ZMYND8: variants seen among roughly 807,000 people sequenced by gnomAD.
The protein encoded by ZMYND8 is MYND-type zinc finger-containing chromatin reader ZMYND8.
In ZMYND8, 37 loss-of-function variants were observed where a neutral mutation model predicts 140.8. That is an observed-to-expected ratio of 0.26 (90% CI 0.20 to 0.35). ZMYND8 has a LOEUF of 0.35. ZMYND8 is among the 10% of genes least tolerant of loss of function. ZMYND8 has a pLI of 1.00. For missense variants in ZMYND8, 1,068 were observed against 1,570.0 expected, an observed-to-expected ratio of 0.68 and a Z score of 5.40; for synonymous variants, 592 against 597.1, an observed-to-expected ratio of 0.99 and a Z score of 0.12.
intron 2 of ZMYND8, among the ~76,000 whole-genome samples, chr20:47,332,783 C>A (rs985142164): frequency 2.6e-5 from 4 of 152,128 alleles, no homozygotes; most frequent in Non-Finnish European, 5.9e-5. Flanking sequence ...TACCCTATGA[C>A]CCCACAATTT....
chr20:47,319,103 C>T, intron 2 of ZMYND8: 3 of 1,236,562 alleles, frequency 2.4e-6, no homozygotes, highest in Non-Finnish European at 3.2e-6. Context: ...GGCTAAGAGT[C>T]ACCACTTACC....
intron 1 of ZMYND8, chr20:47,356,268 G>A: frequency 9.3e-7 from 1 of 1,077,140 alleles, no homozygotes. Context: ...AGACAATAGT[G>A]CAGGGGTGGG....
chr20:47,232,898 T>C (rs889246914), intron 16 of ZMYND8, among the ~76,000 whole-genome samples: 1 of 46,810 alleles, frequency 2.1e-5, no homozygotes, highest in Non-Finnish European at 3.3e-5. Flanking sequence ...TTTTTTTTTG[T>C]TTTTTTTGTT....
At chr20:47,221,995 T>A (rs1051639901) in intron 19 of ZMYND8, among the ~76,000 whole-genome samples, 7 of 152,326 alleles carry the variant, frequency 4.6e-5, no homozygotes, top group Non-Finnish European at 4.4e-5. Flanking sequence ...GGTTAGCAAT[T>A]CAAGTTTTAT....
chr20:47,353,156 C>T (rs1469529859), intron 1 of ZMYND8: 1 of 152,170 alleles, frequency 6.6e-6, no homozygotes, highest in Non-Finnish European at 1.5e-5. Context: ...CCTTTGCCTC[C>T]AGGGTTTTCT....
intron 8 of ZMYND8, among the ~76,000 whole-genome samples, chr20:47,286,829 A>G (rs549763949): frequency 1.3e-5 from 2 of 152,332 alleles, no homozygotes; most frequent in African/African-American, 4.8e-5. Context: ...CCACTCTCCC[A>G]GAAGCAGTCA....
intron 1 of ZMYND8, chr20:47,353,655 G>GT (rs1246872047): frequency 6.6e-6 from 1 of 152,266 alleles, no homozygotes; most frequent in Non-Finnish European, 1.5e-5. Context: ...AAGCTTCAGT[G>GT]TGTCTGTGTT....
chr20:47,328,953 G>A (rs1292313933), intron 2 of ZMYND8, among the ~76,000 whole-genome samples: 1 of 152,178 alleles, frequency 6.6e-6, no homozygotes, highest in African/African-American at 2.4e-5. Context: ...CCAGCTCCCT[G>A]GCATATCCTG....
At chr20:47,252,082 T>A (rs1425282837) in intron 12 of ZMYND8, among the ~76,000 whole-genome samples, 1 of 151,388 alleles carries the variant, frequency 6.6e-6, no homozygotes, top group Non-Finnish European at 1.5e-5. Context: ...TCACTTGAGG[T>A]CGGGGGTTCA....
At chr20:47,219,562 G>C (rs921394432) in intron 21 of ZMYND8, among the ~76,000 whole-genome samples, 1 of 151,538 alleles carries the variant, frequency 6.6e-6, no homozygotes, top group Non-Finnish European at 1.5e-5. Context: ...GAAAGGTCCT[G>C]GAGCTGTGGT....
chr20:47,227,417 G>C lies in ZMYND8; in HGVS notation c.2938-136C>G, dbSNP rs907386902. ...TCCCACAGCTATAGTCCAGAGAGGT[G>C]ATCACTGGTGGGTGAACCCAAATTC... On this transcript the variant is annotated intron_variant, in intron 17 of 22. Coordinates refer to ENST00000471951, the MANE Select transcript of ZMYND8 (RefSeq NM_001281775.3). 1.4e-4 allele frequency: 113 copies of C among 787,574 alleles called. 1 individual carries two copies. In the African/African-American group the frequency reaches 1.7e-3, roughly 12 times the overall value. The allele number at this position is 787,574 out of a possible 1,614,324, so 48.8% of individuals were successfully genotyped here.
chr20:47,240,792 G>T (rs1264030108), intron 14 of ZMYND8, among the ~76,000 whole-genome samples: 1 of 151,334 alleles, frequency 6.6e-6, no homozygotes, highest in Admixed American at 6.6e-5. Context: ...CTGACCTCAT[G>T]ATCCATCCGC....
chr20:47,324,715 C>T (rs2080267874), intron 2 of ZMYND8, among the ~76,000 whole-genome samples: 1 of 152,072 alleles, frequency 6.6e-6, no homozygotes, highest in Non-Finnish European at 1.5e-5. Flanking sequence ...CAAGCTCCTT[C>T]GCATGCGGCT....
At chr20:47,236,254 C>T in intron 16 of ZMYND8, 72 bp downstream of exon 16, 1 of 1,594,120 alleles carries the variant, frequency 6.3e-7, no homozygotes, top group South Asian at 1.1e-5. Context: ...TCACGCTTCC[C>T]CTCGGGAGAC....
chr20:47,241,747 C>T (rs1215469665), intron 14 of ZMYND8, among the ~76,000 whole-genome samples: 2 of 152,046 alleles, frequency 1.3e-5, no homozygotes, highest in Non-Finnish European at 2.9e-5. Flanking sequence ...CAAGCCAGCA[C>T]CCCGATCTTG....
At chr20:47,335,140 G>A (rs560607780) in intron 2 of ZMYND8, among the ~76,000 whole-genome samples, 4 of 151,992 alleles carry the variant, frequency 2.6e-5, no homozygotes, top group South Asian at 2.1e-4. Flanking sequence ...CCAGCTACTC[G>A]GGAGGCTGCA....
At chr20:47,328,943 C>T (rs978506449) in intron 2 of ZMYND8, among the ~76,000 whole-genome samples, 1 of 152,178 alleles carries the variant, frequency 6.6e-6, no homozygotes, top group Non-Finnish European at 1.5e-5. Flanking sequence ...GGAGGACCGC[C>T]CAGCTCCCTG....
intron 11 of ZMYND8, among the ~76,000 whole-genome samples, chr20:47,271,652 G>A (rs1265476410): frequency 6.6e-6 from 1 of 152,206 alleles, no homozygotes; most frequent in Non-Finnish European, 1.5e-5. Context: ...AGGACTGGCT[G>A]TGAGAGGTGA....
At chr20:47,290,780 G>C (rs1046355764) in intron 6 of ZMYND8, among the ~76,000 whole-genome samples, 13 of 151,666 alleles carry the variant, frequency 8.6e-5, no homozygotes, top group African/African-American at 3.1e-4. Context: ...TAGTAGAGAC[G>C]GGGTTTCTCC....
Sources: allele counts gnomAD v4.1 joint callset (sites outside exome capture counted in the v4.1 genomes callset), GRCh38; gene constraint gnomAD v4.1.1; transcripts MANE v1.5; gene names NCBI Gene and HGNC (gene_info 2026-07-23, HGNC 2026-07-21).